Variants in RP1 observed in about 807,000 individuals in gnomAD.
RP1 encodes RP1 axonemal microtubule associated, also known as oxygen-regulated protein 1.
A neutral mutation model predicts 14.8 loss-of-function variants in RP1; 16 were observed. The observed-to-expected ratio is 1.08, with a 90% CI of 0.73 to 1.65. The LOEUF is 1.65. Among genes scored for constraint, RP1 ranks in the 40% most tolerant of loss-of-function variants. The probability of loss-of-function intolerance (pLI) is 0.00; values close to 1 mark genes in which losing one functional copy is unlikely to be tolerated. For missense variants in RP1, 2,631 were observed against 2,535.0 expected (o/e 1.04, Z -0.81); for synonymous variants, 876 against 883.6 (o/e 0.99, Z 0.15).
intron 22 of RP1, chr8:54,759,132 GT>G: frequency 1.0e-5 from 2 of 190,870 alleles, no homozygotes; most frequent in Admixed American, 4.4e-4. Flanking sequence ...GGATGATGCT[GT>G]GTGTGTGTGT....
exon 6 of RP1, chr8:54,656,185 C>A (rs1369552670): frequency 1.3e-6 from 2 of 1,535,704 alleles, no homozygotes; most frequent in South Asian, 2.4e-5. Flanking sequence ...AGAATTTCCT[C>A]TTTTAAGTAA....
chr8:54,825,324 A>G (rs1477933584), intron 24 of RP1, among the ~76,000 whole-genome samples: 3 of 152,244 alleles, frequency 2.0e-5, no homozygotes, highest in Non-Finnish European at 4.4e-5. Context: ...TTTGCAAGGC[A>G]AAACTGCCTG....
At chr8:54,572,551 G>T (rs1294096537) in intron 1 of RP1, among the ~76,000 whole-genome samples, 1 of 152,184 alleles carries the variant, frequency 6.6e-6, no homozygotes, top group Non-Finnish European at 1.5e-5. Flanking sequence ...GGATTATGTG[G>T]TTCTTTTCGT....
chr8:54,818,584 T>A (rs1193517188), intron 24 of RP1, among the ~76,000 whole-genome samples: 1 of 152,174 alleles, frequency 6.6e-6, no homozygotes, highest in Non-Finnish European at 1.5e-5. Flanking sequence ...AGTCAAGATG[T>A]CAGGCTCAGC....
Position 54,723,669 on chromosome 8 carries a change from A to C in RP1, c.2390-2676A>C, listed in dbSNP as rs16920672. On this transcript the variant is annotated intron_variant, in intron 16 of 22. Transcript: ENST00000636932. ...TATCCGGATATGTGGGTGATTTGAAAGTTTTCTTCATTCTGTTCCTCCAGA... is the reference window on the plus strand; with the variant it reads ...TATCCGGATATGTGGGTGATTTGAACGTTTTCTTCATTCTGTTCCTCCAGA... 5.9e-3 allele frequency among the ~76,000 whole-genome samples: 905 copies of C among 152,260 alleles called. 2 individuals are homozygous for C. Among genetic ancestry groups the C allele is most frequent in the Middle Eastern group, 0.02 (6 of 294 alleles).
rs938924252 is a variant in RP1, at chr8:54,791,676, C to T, written c.3615+7966C>T. Among the ~76,000 whole-genome samples, 3 of 151,814 alleles carry T rather than the reference C, an allele frequency of 2.0e-5. No homozygotes were observed. The East Asian group carries it at 5.8e-4, about 29-fold the overall frequency. On this transcript the variant is annotated intron_variant, in intron 24 of 28. Transcript: ENST00000637698. ...TGTGAAAATGATAAGATATTTTATG[C>T]AAGTCTTATGGTAACCACAAAGAAT...
Position 54,629,395 on chromosome 8 carries a change from G to T in RP1, c.5513G>T (p.Arg1838Leu), listed in dbSNP as rs576959220. Reference sequence around the variant, plus strand: ...TTTCATGAGGACTTGCTGGATGTTCGCAATGAAACCTGTGCCAAGGAAAGA... The same window carrying T: ...TTTCATGAGGACTTGCTGGATGTTCTCAATGAAACCTGTGCCAAGGAAAGA... ...EPFHEDLLDV[R>L]NETCAKERIA... Residue 1838 changes from arginine (R) to leucine (L), a missense_variant, in exon 4 of 4, where the codon CGC (arginine) becomes CTC (leucine). Transcript: ENST00000220676. The T allele has an allele frequency of 6.2e-7, 1 of 1,613,950 alleles. No homozygotes were observed. The highest frequency in any genetic ancestry group is 8.5e-7 in the Non-Finnish European group (1 of 1,179,984).
At chr8:54,707,029 G>A (rs1808168297) in intron 15 of RP1, among the ~76,000 whole-genome samples, 1 of 152,202 alleles carries the variant, frequency 6.6e-6, no homozygotes, top group Non-Finnish European at 1.5e-5. Context: ...AGAAAGGCCA[G>A]CTCAACAGTG....
chr8:54,797,705 C>T (rs77030332), intron 24 of RP1, among the ~76,000 whole-genome samples: 140 of 152,216 alleles, frequency 9.2e-4, no homozygotes, highest in Non-Finnish European at 1.5e-3. Flanking sequence ...GTTTTCACAC[C>T]TCTTTCAGAA....
chr8:54,750,479 A>C (rs1368374076), intron 19 of RP1, among the ~76,000 whole-genome samples: 1 of 152,182 alleles, frequency 6.6e-6, no homozygotes, highest in Non-Finnish European at 1.5e-5. Flanking sequence ...GCTCTTTTAC[A>C]ATATTCCTAA....
At chr8:54,728,837 A>T (rs1808723926) in intron 17 of RP1, among the ~76,000 whole-genome samples, 1 of 152,104 alleles carries the variant, frequency 6.6e-6, no homozygotes, top group Non-Finnish European at 1.5e-5. Context: ...ACACACACAA[A>T]GGTAGAGATA....
At chr8:54,752,487 G>T (rs938067668) in intron 19 of RP1, among the ~76,000 whole-genome samples, 1 of 152,166 alleles carries the variant, frequency 6.6e-6, no homozygotes, top group African/African-American at 2.4e-5. Context: ...GTTTATTTTT[G>T]TACATTTGTA....
intron 4 of RP1, among the ~76,000 whole-genome samples, chr8:54,651,911 G>A (rs1806662303): frequency 6.6e-6 from 1 of 151,112 alleles, no homozygotes; most frequent in Non-Finnish European, 1.5e-5. Flanking sequence ...ATATTTTTGT[G>A]TTATATTTTT....
intron 15 of RP1, among the ~76,000 whole-genome samples, chr8:54,717,620 A>G (rs1269657245): frequency 6.6e-6 from 1 of 152,164 alleles, no homozygotes; most frequent in Non-Finnish European, 1.5e-5. Flanking sequence ...AAGAATACCT[A>G]CAAAAAACTT....
At chr8:54,647,026 CTGAT>C (rs1202125753) in intron 3 of RP1, among the ~76,000 whole-genome samples, 16 of 152,132 alleles carry the variant, frequency 1.1e-4, no homozygotes, top group African/African-American at 3.9e-4. Context: ...TTTTTATTTA[CTGAT>C]TGTCTACCAA....
At chr8:54,733,833 C>T (rs1421183964) in intron 17 of RP1, among the ~76,000 whole-genome samples, 4 of 152,098 alleles carry the variant, frequency 2.6e-5, no homozygotes, top group Admixed American at 6.6e-5. Context: ...AGACCACAGG[C>T]GAAAGGGAGT....
chr8:54,589,023 G>A (rs990622011), intron 1 of RP1, among the ~76,000 whole-genome samples: 5 of 152,148 alleles, frequency 3.3e-5, no homozygotes, highest in African/African-American at 1.2e-4. Flanking sequence ...TTCCAGGTGT[G>A]TGTGTGTGTG....
intron 26 of RP1, among the ~76,000 whole-genome samples, chr8:54,853,911 A>T (rs896755809): frequency 6.6e-6 from 1 of 151,114 alleles, no homozygotes; most frequent in Non-Finnish European, 1.5e-5. Context: ...AAAGAAAGAG[A>T]AAAAAGAAAA....
intron 14 of RP1, among the ~76,000 whole-genome samples, chr8:54,702,571 G>C (rs188317241): frequency 6.6e-6 from 1 of 152,242 alleles, no homozygotes; most frequent in Non-Finnish European, 1.5e-5. Context: ...GTCTTGCCTC[G>C]ATATTGACAG....
Sources: gnomAD v4.1 joint callset for allele counts (sites outside exome capture counted in the v4.1 genomes callset) on GRCh38, gnomAD v4.1.1 for gene constraint, MANE v1.5 for transcripts, NCBI Gene and HGNC (gene_info 2026-07-23, HGNC 2026-07-21) for gene names.